The following ACER3 variants were observed in gnomAD, a reference collection of about 807,000 sequenced individuals.
ACER3 encodes the protein alkaline ceramidase 3, also known as alkCDase 3.
A neutral mutation model predicts 48.9 loss-of-function variants in ACER3; 16 were observed. The ratio of observed to expected loss-of-function variants is 0.33; its 90% CI spans 0.22 to 0.50. ACER3 has a LOEUF of 0.50. Ranked by LOEUF, ACER3 falls within the 20% of genes least tolerant of loss-of-function variation. ACER3 has a pLI of 0.98. For synonymous variants in ACER3, 109 were observed against 107.8 expected, an observed-to-expected ratio of 1.01 and a Z score of -0.07; for missense variants, 227 against 326.0, an observed-to-expected ratio of 0.70 and a Z score of 2.34.
At chr11:76,865,540 G>T (rs983646420) in intron 1 of ACER3, among the ~76,000 whole-genome samples, 2 of 145,802 alleles carry the variant, frequency 1.4e-5, no homozygotes, top group East Asian at 2.0e-4. Flanking sequence ...ACGGAATCTC[G>T]CTCTGTCACC....
At chr11:76,983,658 C>A (rs193024364) in intron 4 of ACER3, among the ~76,000 whole-genome samples, 6 of 152,130 alleles carry the variant, frequency 3.9e-5, no homozygotes, top group African/African-American at 1.4e-4. Flanking sequence ...TTGTTCATAG[C>A]CAGCATTTAG....
intron 2 of ACER3, among the ~76,000 whole-genome samples, chr11:76,926,910 C>A (rs1030863704): frequency 3.9e-5 from 6 of 152,108 alleles, no homozygotes; most frequent in African/African-American, 1.4e-4. Flanking sequence ...CAAATATACC[C>A]ACACATCTTA....
intron 2 of ACER3, among the ~76,000 whole-genome samples, chr11:76,955,979 G>C (rs1351591074): frequency 3.9e-5 from 6 of 152,196 alleles, no homozygotes; most frequent in Non-Finnish European, 2.9e-5. Context: ...CCACTTAGAT[G>C]TAATGTCCCC....
At chr11:77,005,978 T>TGTATATTATATATATATAC (rs1949129183) in intron 7 of ACER3, among the ~76,000 whole-genome samples, 18 of 44,856 alleles carry the variant, frequency 4.0e-4, no homozygotes, top group Non-Finnish European at 1.0e-3. Context: ...TATACATATA[T>TGTATATTATATATATATAC]ATATATATAT....
intron 3 of ACER3, among the ~76,000 whole-genome samples, chr11:76,965,158 C>A (rs12363052): frequency 2.0e-5 from 3 of 151,094 alleles, no homozygotes; most frequent in Non-Finnish European, 4.4e-5. Flanking sequence ...AACTACGTGA[C>A]GAATGCACAA....
intron 2 of ACER3, 122 bp downstream of exon 2, chr11:76,926,789 C>T: frequency 1.7e-6 from 1 of 600,300 alleles, no homozygotes; most frequent in African/African-American, 1.9e-5. Context: ...TCTGAAACTT[C>T]TTAGTTAAAA....
At position 76,998,751 on chromosome 11, in the gene ACER3, G is replaced by A. The variant is rs11237053; in HGVS notation, c.439-12G>A. 0.12 allele frequency: 182,881 copies of A among 1,576,632 alleles called. 12,607 individuals carry two copies. Among genetic ancestry groups the A allele is most frequent in the East Asian group, 0.36 (15,136 of 42,388 alleles). ...AATGATTGTACTAACCTCATTTTCC[G>A]TTCCTATTTAGGTCATGTATGGAAT... On this transcript the variant is annotated splice_polypyrimidine_tract_variant and intron_variant, in intron 6 of 10. Transcript: ENST00000532485.
chr11:77,011,881 T>C (rs1348675510), intron 7 of ACER3, among the ~76,000 whole-genome samples: 1 of 152,138 alleles, frequency 6.6e-6, no homozygotes, highest in African/African-American at 2.4e-5. Context: ...CTATTTATGT[T>C]CTAAAACAAA....
chr11:77,018,436 C>T (rs1555023774), intron 9 of ACER3, among the ~76,000 whole-genome samples: 3 of 152,146 alleles, frequency 2.0e-5, no homozygotes. Context: ...AATTAATAAC[C>T]CTACAGTGGC....
At chr11:76,909,696 G>A (rs1055198476) in intron 1 of ACER3, among the ~76,000 whole-genome samples, 6 of 152,188 alleles carry the variant, frequency 3.9e-5, no homozygotes, top group Non-Finnish European at 8.8e-5. Flanking sequence ...TTCAACCATT[G>A]TGGAAGACAG....
chr11:77,011,257 T>C, intron 7 of ACER3: 1 of 839,606 alleles, frequency 1.2e-6, no homozygotes, highest in Non-Finnish European at 1.4e-6. Context: ...GCATGGACCA[T>C]GTGCTGATGT....
intron 2 of ACER3, among the ~76,000 whole-genome samples, chr11:76,930,578 T>C (rs1228210153): frequency 6.6e-6 from 1 of 152,074 alleles, no homozygotes; most frequent in Non-Finnish European, 1.5e-5. Context: ...TTTTAGATCT[T>C]TCCTGCTTTC....
intron 4 of ACER3, among the ~76,000 whole-genome samples, chr11:76,984,183 C>T (rs1948643019): frequency 6.6e-6 from 1 of 152,098 alleles, no homozygotes; most frequent in African/African-American, 2.4e-5. Flanking sequence ...TGATCCTAGG[C>T]TCTGTAGATA....
intron 2 of ACER3, among the ~76,000 whole-genome samples, chr11:76,929,221 C>A (rs1946923863): frequency 6.6e-6 from 1 of 152,052 alleles, no homozygotes; most frequent in African/African-American, 2.4e-5. Flanking sequence ...CTCTTTGAAG[C>A]AATTGTGAAT....
chr11:77,014,971 G>T, intron 7 of ACER3, 45 bp from the exon 8 acceptor site: 1 of 1,164,272 alleles, frequency 8.6e-7, no homozygotes, highest in South Asian at 1.3e-5. Context: ...ATCGTGACAT[G>T]ACTTGAGAAA....
intron 2 of ACER3, among the ~76,000 whole-genome samples, chr11:76,928,077 A>G (rs929347729): frequency 4.6e-5 from 7 of 152,130 alleles, no homozygotes; most frequent in African/African-American, 1.7e-4. Flanking sequence ...AGTCCCACCG[A>G]CAGTATAAAA....
chr11:76,964,633 G>A (rs901572730), intron 3 of ACER3, among the ~76,000 whole-genome samples: 5 of 151,228 alleles, frequency 3.3e-5, no homozygotes, highest in African/African-American at 1.2e-4. Flanking sequence ...GGAATGATGA[G>A]GCAGCAGCAT....
At chr11:76,883,438 C>CTTTTTTTTTTTTT (rs60656670) in intron 1 of ACER3, among the ~76,000 whole-genome samples, 3 of 98,966 alleles carry the variant, frequency 3.0e-5, no homozygotes, top group Non-Finnish European at 5.8e-5. Context: ...GATTTTCTTG[C>CTTTTTTTTTTTTT]TTTTTTTTTT....
At chr11:76,961,179 GA>G (rs1320370213) in intron 3 of ACER3, among the ~76,000 whole-genome samples, 1 of 152,164 alleles carries the variant, frequency 6.6e-6, no homozygotes, top group East Asian at 1.9e-4. Context: ...AGGAGAATGG[GA>G]GCCAGGTTTC....
Sources: allele counts gnomAD v4.1 joint callset (sites outside exome capture counted in the v4.1 genomes callset), GRCh38; gene constraint gnomAD v4.1.1; transcripts MANE v1.5; gene names NCBI Gene and HGNC (gene_info 2026-07-23, HGNC 2026-07-21).